PID1: variants seen among roughly 807,000 people sequenced by gnomAD.
PID1 encodes the protein PTB-containing, cubilin and LRP1-interacting protein.
A neutral mutation model predicts 19.1 loss-of-function variants in PID1; 10 were observed. That is an observed-to-expected ratio of 0.52 (90% confidence interval 0.32 to 0.89). The LOEUF is 0.89. PID1 is among the 40% of genes least tolerant of loss of function. The pLI is 0.03. For synonymous variants in PID1, 130 were observed against 116.0 expected (o/e 1.12, Z -0.78); for missense variants, 248 against 285.3 (o/e 0.87, Z 0.94).
chr2:229,112,303 T>G (rs1043534414), intron 2 of PID1, among the ~76,000 whole-genome samples: 1 of 152,132 alleles, frequency 6.6e-6, no homozygotes, highest in Non-Finnish European at 1.5e-5. Context: ...TTTTTTCTAG[T>G]TTCTCTACTA....
intron 2 of PID1, among the ~76,000 whole-genome samples, chr2:229,076,142 T>C (rs1378871459): frequency 6.6e-6 from 1 of 152,224 alleles, no homozygotes; most frequent in Non-Finnish European, 1.5e-5. Flanking sequence ...TTTCCTTGCG[T>C]AGGGCCCAGT....
chr2:229,040,317 CAACAAACAAACA>C (rs113818466), intron 2 of PID1, among the ~76,000 whole-genome samples: 4 of 150,856 alleles, frequency 2.7e-5, no homozygotes, highest in Admixed American at 6.6e-5. Context: ...AAGACATCGT[CAACAAACAAACA>C]AACAAACAAA....
intron 2 of PID1, among the ~76,000 whole-genome samples, chr2:229,051,127 C>G (rs1416082942): frequency 6.6e-6 from 1 of 152,146 alleles, no homozygotes; most frequent in Non-Finnish European, 1.5e-5. Flanking sequence ...AGTCTCACTC[C>G]ATGACTATTT....
intron 2 of PID1, among the ~76,000 whole-genome samples, chr2:229,134,112 T>C (rs1689805135): frequency 6.6e-6 from 1 of 152,088 alleles, no homozygotes; most frequent in African/African-American, 2.4e-5. Context: ...AATCATCCCA[T>C]TTGAGAACCA....
chr2:229,140,333 G>A (rs2106179693), intron 2 of PID1, among the ~76,000 whole-genome samples: 1 of 152,246 alleles, frequency 6.6e-6, no homozygotes, highest in South Asian at 2.1e-4. Flanking sequence ...TAGTGGGAAA[G>A]GAGTTGATGG....
chr2:229,139,172 T>G (rs957979750), intron 2 of PID1, among the ~76,000 whole-genome samples: 1 of 150,526 alleles, frequency 6.6e-6, no homozygotes, highest in African/African-American at 2.5e-5. Flanking sequence ...CAAGCGAGCT[T>G]CCCTTGACCA....
chr2:229,209,407 A>T (rs965373650), intron 1 of PID1, among the ~76,000 whole-genome samples: 4 of 152,210 alleles, frequency 2.6e-5, no homozygotes, highest in Admixed American at 2.0e-4. Context: ...GAGCAGAAAG[A>T]ACATCTGCCT....
intron 1 of PID1, among the ~76,000 whole-genome samples, chr2:229,262,132 C>T (rs533760734): frequency 1.1e-4 from 17 of 152,310 alleles, no homozygotes; most frequent in African/African-American, 4.1e-4. Flanking sequence ...AGAGAGCCTA[C>T]AGGGACTCTG....
chr2:229,227,827 A>G (rs1002689267), intron 1 of PID1: 3 of 325,200 alleles, frequency 9.2e-6, no homozygotes, highest in Non-Finnish European at 1.9e-5. Context: ...ATTATCTCCC[A>G]ACCAACACAG....
intron 1 of PID1, among the ~76,000 whole-genome samples, chr2:229,216,315 G>T (rs1381656584): frequency 1.3e-5 from 2 of 152,156 alleles, no homozygotes; most frequent in East Asian, 3.9e-4. Flanking sequence ...TCATTGGAAG[G>T]TTTCTCCTCC....
At chr2:229,162,470 T>G (rs370531923) in intron 1 of PID1, among the ~76,000 whole-genome samples, 4 of 152,248 alleles carry the variant, frequency 2.6e-5, no homozygotes, top group African/African-American at 9.6e-5. Flanking sequence ...ATTAAGATTT[T>G]AATCTTCGGT....
intron 2 of PID1, among the ~76,000 whole-genome samples, chr2:229,122,671 C>T (rs146620808): frequency 9.3e-4 from 142 of 152,268 alleles, no homozygotes; most frequent in African/African-American, 2.7e-3. Flanking sequence ...GGCCTACTAT[C>T]GTCATTAGTG....
intron 2 of PID1, among the ~76,000 whole-genome samples, chr2:229,146,489 T>C (rs1286840474): frequency 6.6e-6 from 1 of 151,778 alleles, no homozygotes; most frequent in Non-Finnish European, 1.5e-5. Context: ...GAACTTAAAG[T>C]AAATTTTTAA....
At chr2:229,029,677 T>TA (rs1693504559) in intron 2 of PID1, among the ~76,000 whole-genome samples, 1 of 151,776 alleles carries the variant, frequency 6.6e-6, no homozygotes, top group Non-Finnish European at 1.5e-5. Flanking sequence ...CCGTCTCTAC[T>TA]AAAAATACAG....
intron 2 of PID1, among the ~76,000 whole-genome samples, chr2:229,106,445 T>A (rs1695180832): frequency 6.6e-6 from 1 of 152,140 alleles, no homozygotes; most frequent in African/African-American, 2.4e-5. Flanking sequence ...GGTCTGAATG[T>A]TTTTATCTCT....
intron 1 of PID1, among the ~76,000 whole-genome samples, chr2:229,227,434 T>C (rs1313206155): frequency 1.3e-5 from 2 of 152,316 alleles, no homozygotes; most frequent in Non-Finnish European, 2.9e-5. Context: ...ATCTCAACTA[T>C]TTCCAGTGAC....
intron 1 of PID1, among the ~76,000 whole-genome samples, chr2:229,217,718 C>A (rs1691879042): frequency 6.6e-6 from 1 of 152,230 alleles, no homozygotes; most frequent in Non-Finnish European, 1.5e-5. Flanking sequence ...CCAAGTTCCT[C>A]ATGGTAAAAA....
chr2:229,062,894 T>C (rs1694240995), intron 2 of PID1, among the ~76,000 whole-genome samples: 1 of 152,048 alleles, frequency 6.6e-6, no homozygotes, highest in Non-Finnish European at 1.5e-5. Context: ...TTCTAGGTTA[T>C]CCAATTTGTT....
intron 1 of PID1, among the ~76,000 whole-genome samples, chr2:229,198,718 A>G (rs1413025441): frequency 6.6e-6 from 1 of 152,002 alleles, no homozygotes; most frequent in African/African-American, 2.4e-5. Context: ...CACCTTACCT[A>G]CTGATAAGTC....
Sources: allele counts gnomAD v4.1 joint callset (sites outside exome capture counted in the v4.1 genomes callset), GRCh38; gene constraint gnomAD v4.1.1; transcripts MANE v1.5; gene names NCBI Gene and HGNC (gene_info 2026-07-23, HGNC 2026-07-21).